The following DOK6 variants were observed in gnomAD, a reference collection of about 807,000 sequenced individuals.
The protein encoded by DOK6 is downstream of tyrosine kinase 6.
A neutral mutation model predicts 44.0 loss-of-function variants in DOK6; 22 were observed. That is an observed-to-expected ratio of 0.50 (90% confidence interval 0.36 to 0.71). The LOEUF (loss-of-function observed/expected upper bound fraction) is 0.71, where lower values mean the gene tolerates loss of function less well. Ranked by LOEUF, DOK6 falls within the 30% of genes least tolerant of loss-of-function variation. DOK6 has a pLI of 0.00. For synonymous variants in DOK6, 166 were observed against 145.5 expected (o/e 1.14, Z -1.01); for missense variants, 340 against 416.4 (o/e 0.82, Z 1.60).
At chr18:69,525,969 A>G (rs1981819831) in intron 1 of DOK6, among the ~76,000 whole-genome samples, 2 of 152,168 alleles carry the variant, frequency 1.3e-5, no homozygotes, top group Middle Eastern at 6.8e-3. Context: ...GATCTATACA[A>G]TTTAAAAATT....
chr18:69,612,890 TTTG>T (rs1295214791), intron 3 of DOK6, among the ~76,000 whole-genome samples: 13 of 152,120 alleles, frequency 8.5e-5, no homozygotes, highest in South Asian at 2.1e-4. Context: ...TTTCTTTTTT[TTTG>T]CCTTTTGAGA....
chr18:69,634,496 T>C (rs564206581), intron 3 of DOK6, among the ~76,000 whole-genome samples: 15 of 152,208 alleles, frequency 9.9e-5, no homozygotes, highest in Non-Finnish European at 2.9e-5. Flanking sequence ...AGTTTTCCAG[T>C]TCACAAGCCA....
intron 6 of DOK6, among the ~76,000 whole-genome samples, chr18:69,748,750 A>G (rs1194602263): frequency 1.3e-5 from 2 of 152,184 alleles, no homozygotes; most frequent in Non-Finnish European, 2.9e-5. Context: ...TGGTGTGGCA[A>G]TTCCTCAAAG....
At chr18:69,721,379 A>G (rs966470094) in intron 5 of DOK6, 2 of 152,250 alleles carry the variant, frequency 1.3e-5, no homozygotes, top group African/African-American at 4.8e-5. Context: ...TGCTTGATGA[A>G]GTACTCAGCA....
intron 3 of DOK6, among the ~76,000 whole-genome samples, chr18:69,642,180 C>T (rs1171989772): frequency 6.6e-6 from 1 of 152,120 alleles, no homozygotes; most frequent in Non-Finnish European, 1.5e-5. Flanking sequence ...ATGATACCTA[C>T]CCTATATATT....
chr18:69,669,897 A>C (rs1985754517), intron 3 of DOK6, among the ~76,000 whole-genome samples: 1 of 152,200 alleles, frequency 6.6e-6, no homozygotes. Flanking sequence ...TCCTATTAGA[A>C]AGGAATAAAA....
At chr18:69,417,304 T>G (rs1468683472) in intron 1 of DOK6, among the ~76,000 whole-genome samples, 1 of 152,152 alleles carries the variant, frequency 6.6e-6, no homozygotes, top group Non-Finnish European at 1.5e-5. Flanking sequence ...CCACATATTG[T>G]GAGACACGTA....
In DOK6 at chr18:69,599,418, G is replaced by C; in HGVS notation, c.209G>C (p.Arg70Thr). ...TELHNIKNIT[R>T]LPRETKKHAV... ...CTGCACAATATCAAAAATATAACCAGACTGCCCCGAGAGACAAAGAAGCAT... is the reference window on the plus strand; with the variant it reads ...CTGCACAATATCAAAAATATAACCACACTGCCCCGAGAGACAAAGAAGCAT... Residue 70 changes from arginine to threonine, a missense_variant, in exon 3 of 8, where the codon AGA (arginine) becomes ACA (threonine). By Grantham distance (71) the Arg-to-Thr change is moderately conservative (BLOSUM62 -1). Around this residue, in one of 3 missense-constraint regions of DOK6, gnomAD observed 206 missense variants for 258.6 expected, o/e 0.80. Coordinates refer to ENST00000382713, the MANE Select transcript of DOK6 (RefSeq NM_152721.6). 1 of 1,613,696 alleles carries C rather than the reference G, an allele frequency of 6.2e-7. No homozygotes were observed. The highest frequency in any genetic ancestry group is 8.5e-7 in the Non-Finnish European group (1 of 1,179,874).
At chr18:69,477,868 G>T (rs893031977) in intron 1 of DOK6, among the ~76,000 whole-genome samples, 11 of 152,078 alleles carry the variant, frequency 7.2e-5, no homozygotes, top group African/African-American at 2.7e-4. Context: ...TTGGTTTATT[G>T]AAACCTAACT....
intron 1 of DOK6, among the ~76,000 whole-genome samples, chr18:69,481,908 C>T (rs1469163062): frequency 6.6e-6 from 1 of 152,056 alleles, no homozygotes; most frequent in Non-Finnish European, 1.5e-5. Flanking sequence ...TTTTAATGAT[C>T]ACCATTCTAA....
At chr18:69,804,639 C>T (rs75467467) in intron 7 of DOK6, among the ~76,000 whole-genome samples, 3 of 152,134 alleles carry the variant, frequency 2.0e-5, no homozygotes, top group Non-Finnish European at 4.4e-5. Context: ...TGGATGAACA[C>T]ATTAACACAT....
At chr18:69,678,462 T>G (rs1985974043) in intron 4 of DOK6, among the ~76,000 whole-genome samples, 2 of 152,206 alleles carry the variant, frequency 1.3e-5, no homozygotes, top group Non-Finnish European at 1.5e-5. Context: ...TGGAGACTTA[T>G]TATAGATTTA....
intron 3 of DOK6, among the ~76,000 whole-genome samples, chr18:69,625,860 A>G (rs1984546356): frequency 6.6e-6 from 1 of 152,222 alleles, no homozygotes; most frequent in Admixed American, 6.5e-5. Flanking sequence ...ATGCATAAAT[A>G]TTATCTCAGT....
At chr18:69,514,715 G>GT (rs3044894) in intron 1 of DOK6, among the ~76,000 whole-genome samples, 86 of 149,216 alleles carry the variant, frequency 5.8e-4, no homozygotes, top group African/African-American at 1.7e-3. Flanking sequence ...TAGGTTTTTT[G>GT]TTTTTTTTTA....
chr18:69,499,304 T>C (rs1980984397), intron 1 of DOK6, among the ~76,000 whole-genome samples: 2 of 152,124 alleles, frequency 1.3e-5, no homozygotes, highest in South Asian at 4.1e-4. Context: ...GTTTTTAAAA[T>C]AATTTTTTAT....
At chr18:69,474,895 T>G (rs891381565) in intron 1 of DOK6, among the ~76,000 whole-genome samples, 1 of 152,306 alleles carries the variant, frequency 6.6e-6, no homozygotes, top group African/African-American at 2.4e-5. Context: ...GCACTAAATT[T>G]AACAATGCAA....
At chr18:69,424,493 T>C (rs1978582199) in intron 1 of DOK6, among the ~76,000 whole-genome samples, 1 of 152,224 alleles carries the variant, frequency 6.6e-6, no homozygotes, top group Admixed American at 6.5e-5. Flanking sequence ...ATCTATATTT[T>C]AAATATTAGT....
At position 69,630,540 on chromosome 18, in the gene DOK6, C is replaced by G. The variant is rs564610079; in HGVS notation, c.289+31042C>G. 3.9e-5 allele frequency among the ~76,000 whole-genome samples: 6 copies of G among 152,214 alleles called. No individual in the cohort carries two copies. The South Asian group carries it at 8.3e-4, about 21-fold the overall frequency. ...ACACAAATAGACTGTCAGAATACAG[C>G]CAAAGGGCTGAGTGTAGAGTAAGAA... On this transcript the variant is annotated intron_variant, in intron 3 of 7. Transcript: ENST00000382713.
At chr18:69,673,083 T>C (rs983045166) in intron 3 of DOK6, among the ~76,000 whole-genome samples, 1 of 152,158 alleles carries the variant, frequency 6.6e-6, no homozygotes, top group Non-Finnish European at 1.5e-5. Flanking sequence ...TAATAAAAGC[T>C]AACTCCAGTG....
Sources: allele counts gnomAD v4.1 joint callset (sites outside exome capture counted in the v4.1 genomes callset), GRCh38; gene constraint gnomAD v4.1.1; regional missense constraint gnomAD v4.1.1; transcripts MANE v1.5; gene names NCBI Gene and HGNC (gene_info 2026-07-23, HGNC 2026-07-21).